Variants in CACNA1B observed in about 807,000 individuals in gnomAD.
The protein encoded by CACNA1B is voltage-dependent N-type calcium channel subunit alpha-1B.
A neutral mutation model predicts 247.2 loss-of-function variants in CACNA1B; 70 were observed. The observed-to-expected ratio is 0.28, with a 90% confidence interval of 0.23 to 0.35. CACNA1B has a LOEUF of 0.35. Among genes scored for constraint, CACNA1B ranks in the 10% least tolerant of loss-of-function variants. The pLI, the probability that CACNA1B is intolerant of heterozygous loss-of-function variation, is 1.00. For synonymous variants in CACNA1B, 1,231 were observed against 1,294.4 expected (o/e 0.95, Z 1.05); for missense variants, 2,367 against 3,197.4 (o/e 0.74, Z 6.26).
At position 138,058,860 on chromosome 9, in the gene CACNA1B, G is replaced by A; in HGVS notation, c.4473+127G>A. On this transcript the variant is annotated intron_variant, in intron 29 of 46. Coordinates refer to ENST00000371372, the MANE Select transcript of CACNA1B (RefSeq NM_000718.4). The surrounding 1 kb of genome is among the most constrained non-coding windows in gnomAD (Gnocchi z 4.7). ...CAAAGCAGTAGTGGCCTTGCATCCT[G>A]GCCAGCATGGGATGCCTGTGGAATC... 1 of 866,152 alleles carries A rather than the reference G, an allele frequency of 1.2e-6. No individual in the cohort carries two copies. Among genetic ancestry groups the A allele is most frequent in the Non-Finnish European group, 1.8e-6 (1 of 546,068 alleles). 53.7% of individuals were successfully genotyped at this position (866,152 alleles called of 1,614,324 possible). A position where few individuals can be genotyped will look rare whatever the true frequency, so the allele number is the denominator to read the frequency against.
chr9:138,067,748 G>A (rs1253104732), intron 31 of CACNA1B, among the ~76,000 whole-genome samples: 1 of 152,182 alleles, frequency 6.6e-6, no homozygotes, highest in Admixed American at 6.5e-5. Flanking sequence ...GTGCCAGCCA[G>A]CACAGCATCT....
At chr9:138,115,099 G>A (rs1175603735) in intron 41 of CACNA1B, among the ~76,000 whole-genome samples, 1 of 152,132 alleles carries the variant, frequency 6.6e-6, no homozygotes, top group Admixed American at 6.5e-5. Context: ...TCACACCTGG[G>A]GTAGACATCA....
Position 137,988,301 on chromosome 9 carries a change from C to T in CACNA1B, c.1974+1447C>T, listed in dbSNP as rs557096237. On this transcript the variant is annotated intron_variant, in intron 15 of 46. Transcript: ENST00000371372. ...AAAACGTGAGGAGTGTCTGGGGTGG[C>T]GACAAGGTGGCAGGTGTGGGATGGG... Among the ~76,000 whole-genome samples, 8 of 152,186 alleles carry T rather than the reference C, an allele frequency of 5.3e-5. No individual in the cohort carries two copies. In the Middle Eastern group the frequency reaches 0.01, roughly 194 times the overall value.
At position 137,984,106 on chromosome 9, in the gene CACNA1B, G is replaced by A. The variant is rs200729763; in HGVS notation, c.1657-32G>A. The A allele has an allele frequency of 2.6e-5, 38 of 1,489,472 alleles. No homozygotes were observed. The African/African-American group carries it at 4.1e-4, about 16-fold the overall frequency. 92.3% of individuals were successfully genotyped at this position (1,489,472 alleles called of 1,614,324 possible). ...ATCTGCATGCACAGGTGCAGATACGGTGCACCCAAGGCTAATGCCATCCCG... is the reference window on the plus strand; with the variant it reads ...ATCTGCATGCACAGGTGCAGATACGATGCACCCAAGGCTAATGCCATCCCG... On this transcript the variant is annotated intron_variant, in intron 12 of 46. Coordinates refer to ENST00000371372, the MANE Select transcript of CACNA1B (RefSeq NM_000718.4).
chr9:137,936,149 G>A (rs571632239), intron 6 of CACNA1B, among the ~76,000 whole-genome samples: 11 of 152,244 alleles, frequency 7.2e-5, no homozygotes, highest in East Asian at 1.9e-4. Context: ...GAGCCACTGC[G>A]CCCGGCTGTT....
rs1564883460 is a variant in CACNA1B, at chr9:137,905,681, C to T, written c.531-7499C>T. ...CATTGTATATTTTAAATTCAAATCA[C>T]AGGGCCAATGTAATGCTAAATACAG... On this transcript the variant is annotated intron_variant, in intron 3 of 46. Coordinates refer to ENST00000371372, the MANE Select transcript of CACNA1B (RefSeq NM_000718.4). 2.6e-5 allele frequency among the ~76,000 whole-genome samples: 4 copies of T among 152,302 alleles called. No individual in the cohort carries two copies. The South Asian group carries it at 8.3e-4, about 32-fold the overall frequency.
Position 138,102,956 on chromosome 9 carries a change from T to C in CACNA1B, c.5319+149T>C. 1 of 584,254 alleles carries C rather than the reference T, an allele frequency of 1.7e-6. No homozygotes were observed. Among genetic ancestry groups the C allele is most frequent in the South Asian group, 2.1e-5 (1 of 47,602 alleles). 36.2% of individuals were successfully genotyped at this position (584,254 alleles called of 1,614,324 possible). On this transcript the variant is annotated intron_variant, in intron 38 of 46. Coordinates refer to ENST00000371372, the MANE Select transcript of CACNA1B (RefSeq NM_000718.4). The surrounding 1 kb of genome is among the most constrained non-coding windows in gnomAD (Gnocchi z 5.4). ...GCGCCCCCGGCTGCCTCACTGTGTC[T>C]TTCTCTTCAGCCCCATCCCAGCTTC...
At chr9:138,074,959 A>G (rs1303184439) in intron 34 of CACNA1B, among the ~76,000 whole-genome samples, 2 of 152,254 alleles carry the variant, frequency 1.3e-5, no homozygotes, top group East Asian at 1.9e-4. Context: ...CTTGGCTTGC[A>G]TAATTTAGAT....
In CACNA1B at chr9:138,006,661, A is replaced by C. The variant is rs1429105806; in HGVS notation, c.1975-106A>C. 6 of 683,264 alleles carry C rather than the reference A, an allele frequency of 8.8e-6. No homozygotes were observed. The African/African-American group carries it at 1.1e-4, about 12-fold the overall frequency. 42.3% of individuals were successfully genotyped at this position (683,264 alleles called of 1,614,324 possible). A position where few individuals can be genotyped will look rare whatever the true frequency, so the allele number is the denominator to read the frequency against. ...CTGGATGTGCATGTGTGGACGTGGC[A>C]GTGCGCGTGGACGTGGCGGTGCACA... On this transcript the variant is annotated intron_variant, in intron 15 of 46. Coordinates refer to ENST00000371372, the MANE Select transcript of CACNA1B (RefSeq NM_000718.4).
chr9:137,919,345 A>G lies in CACNA1B; in HGVS notation c.966+1914A>G, dbSNP rs1957450985. 6.6e-6 allele frequency among the ~76,000 whole-genome samples: 1 copy of G among 152,246 alleles called. No individual in the cohort carries two copies. Among genetic ancestry groups the G allele is most frequent in the African/African-American group, 2.4e-5 (1 of 41,472 alleles). ...GTTGAGGAGCAGGCAGTGACGAGGTACAGGGTACTGGGAGGGCAAGGCCTG... is the reference window on the plus strand; with the variant it reads ...GTTGAGGAGCAGGCAGTGACGAGGTGCAGGGTACTGGGAGGGCAAGGCCTG... On this transcript the variant is annotated intron_variant, in intron 6 of 46. Transcript: ENST00000371372. This position sits in a 1 kb window ranked among gnomAD's most constrained non-coding sequence, Gnocchi z 4.6.
At position 138,121,417 on chromosome 9, in the gene CACNA1B, CTTTTT is replaced by C. The variant is rs35987844; in HGVS notation, c.6490-38_6490-34del. 7.7e-4 allele frequency: 666 copies of C among 865,302 alleles called. No individual in the cohort carries two copies. Among genetic ancestry groups the C allele is most frequent in the South Asian group, 1.3e-3 (53 of 40,088 alleles). The allele number at this position is 865,302 out of a possible 1,614,324, so 53.6% of individuals were successfully genotyped here. ...TGATGTGCTCTGTCTGTTGGTTCGG[CTTTTT>C]TTTTTTTTTTTTTACCTCTGATTTG... On this transcript the variant is annotated intron_variant, in intron 46 of 46. Transcript: ENST00000371372. The surrounding 1 kb of genome is among the most constrained non-coding windows in gnomAD (Gnocchi z 6.8).
In CACNA1B at chr9:137,914,137, C is replaced by T. The variant is rs1426737951; in HGVS notation, c.623-517C>T. On this transcript the variant is annotated intron_variant, in intron 4 of 46. Transcript: ENST00000371372. This position sits in a 1 kb window ranked among gnomAD's most constrained non-coding sequence, Gnocchi z 4.3. Reference sequence around the variant, plus strand: ...TCTCCCCCAGGATCCCCTGCTCTTCCCTCCCAGGGTCCCCTCCTCTTAGCT... The same window carrying T: ...TCTCCCCCAGGATCCCCTGCTCTTCTCTCCCAGGGTCCCCTCCTCTTAGCT... Among the ~76,000 whole-genome samples, 1 of 151,982 alleles carries T rather than the reference C, an allele frequency of 6.6e-6. No individual in the cohort carries two copies. Among genetic ancestry groups the T allele is most frequent in the Admixed American group, 6.6e-5 (1 of 15,250 alleles).
chr9:137,930,743 T>A (rs556651126), intron 6 of CACNA1B, among the ~76,000 whole-genome samples: 3 of 152,320 alleles, frequency 2.0e-5, no homozygotes, highest in East Asian at 3.9e-4. Flanking sequence ...TGTCAGTTTC[T>A]GTATCACTTA....
At chr9:138,041,863 T>C (rs1959127668) in intron 20 of CACNA1B, among the ~76,000 whole-genome samples, 2 of 152,204 alleles carry the variant, frequency 1.3e-5, no homozygotes, top group African/African-American at 4.8e-5. Flanking sequence ...CAAGTGATCC[T>C]CCTGCTTCAG....
Position 138,059,229 on chromosome 9 carries a change from T to TATTCTGG in CACNA1B, c.4584+41_4584+47dup. ...CCCTGCTTTGCCTTTTGACAACCTA[T>TATTCTGG]ATTCTGGTTCCCCATCTGTAGGGCG... On this transcript the variant is annotated intron_variant, in intron 30 of 46. Coordinates refer to ENST00000371372, the MANE Select transcript of CACNA1B (RefSeq NM_000718.4). This position sits in a 1 kb window ranked among gnomAD's most constrained non-coding sequence, Gnocchi z 4.2. 8.0e-7 allele frequency: 1 copy of TATTCTGG among 1,249,742 alleles called. No homozygotes were observed. Among genetic ancestry groups the TATTCTGG allele is most frequent in the Non-Finnish European group, 1.2e-6 (1 of 855,242 alleles). The allele number at this position is 1,249,742 out of a possible 1,614,324, so 77.4% of individuals were successfully genotyped here.
intron 32 of CACNA1B, 141 bp downstream of exon 32, chr9:138,069,904 C>T (rs1483602998): frequency 4.1e-6 from 3 of 735,070 alleles, no homozygotes; most frequent in South Asian, 3.1e-5. Context: ...TCACCTCTGG[C>T]CTCCTGGACT....
In CACNA1B at chr9:137,999,840, A is replaced by G. The variant is rs184456289; in HGVS notation, c.1975-6927A>G. On this transcript the variant is annotated intron_variant, in intron 15 of 46. Transcript: ENST00000371372. Reference sequence around the variant, plus strand: ...GTACTTATATGAAAAATCTAGAAGAAGGAATAATAAACCAAAGAAAAATTG... The same window carrying G: ...GTACTTATATGAAAAATCTAGAAGAGGGAATAATAAACCAAAGAAAAATTG... Among the ~76,000 whole-genome samples, 17 of 152,274 alleles carry G rather than the reference A, an allele frequency of 1.1e-4. No homozygotes were observed. In the East Asian group the frequency reaches 2.5e-3, roughly 23 times the overall value.
rs2133279283 is a variant in CACNA1B at position 137,914,550 on chromosome 9, C to T, written c.623-104C>T. On this transcript the variant is annotated intron_variant, in intron 4 of 46. Coordinates refer to ENST00000371372, the MANE Select transcript of CACNA1B (RefSeq NM_000718.4). This position sits in a 1 kb window ranked among gnomAD's most constrained non-coding sequence, Gnocchi z 4.3. ...CTTGCAAGCACTCACTGCTTAGCAC[C>T]TTGCTGTCCCTGCTAGGTTCCTGCT... is the stretch of plus-strand genomic sequence containing the variant. 6 of 936,788 alleles carry T rather than the reference C, an allele frequency of 6.4e-6. No individual in the cohort carries two copies. In the South Asian group the frequency reaches 8.0e-5, roughly 12 times the overall value. The allele number at this position is 936,788 out of a possible 1,614,324, so 58.0% of individuals were successfully genotyped here.
At position 137,973,941 on chromosome 9, in the gene CACNA1B, G is replaced by A. The variant is rs1459511490; in HGVS notation, c.1544-1966G>A. 6.6e-6 allele frequency among the ~76,000 whole-genome samples: 1 copy of A among 152,216 alleles called. No homozygotes were observed. Among genetic ancestry groups the A allele is most frequent in the Admixed American group, 6.5e-5 (1 of 15,290 alleles). On this transcript the variant is annotated intron_variant, in intron 11 of 46. Coordinates refer to ENST00000371372, the MANE Select transcript of CACNA1B (RefSeq NM_000718.4). This position sits in a 1 kb window ranked among gnomAD's most constrained non-coding sequence, Gnocchi z 4.1. ...TTTGGTCTCCTGGGGAGCAAGGTGT[G>A]TGCCTGGGTAGCCTCCCCTCCCAGA...
Sources: gnomAD v4.1 joint callset for allele counts (sites outside exome capture counted in the v4.1 genomes callset) on GRCh38, gnomAD v4.1.1 for gene constraint, Gnocchi (gnomAD v3.1) non-coding constraint, MANE v1.5 for transcripts, NCBI Gene and HGNC (gene_info 2026-07-23, HGNC 2026-07-21) for gene names.